Variants in TUBA4B observed in about 807,000 individuals in gnomAD.
TUBA4B encodes the protein tubulin alpha 4b.
A neutral mutation model predicts 18.4 loss-of-function variants in TUBA4B; 13 were observed. That is an observed-to-expected ratio of 0.71 (90% CI 0.46 to 1.12). TUBA4B has a LOEUF of 1.12. TUBA4B is among the 50% of genes most tolerant of loss of function. The pLI is 0.00. For synonymous variants in TUBA4B, 101 were observed against 99.1 expected (o/e 1.02, Z -0.11); for missense variants, 244 against 250.0 (o/e 0.98, Z 0.16).
At chr2:219,263,051 A>C (rs1263052924) in intron 1 of TUBA4B, among the ~76,000 whole-genome samples, 6 of 152,062 alleles carry the variant, frequency 3.9e-5, no homozygotes, top group Admixed American at 1.3e-4. Flanking sequence ...CCCACCCCCC[A>C]AAAAAGCATA....
At chr2:219,259,838 C>A in intron 1 of TUBA4B, among the ~76,000 whole-genome samples, 1 of 152,318 alleles carries the variant, frequency 6.6e-6, no homozygotes, top group South Asian at 2.1e-4. Context: ...AGCCATCCTC[C>A]TTCTCACAGC....
At chr2:219,259,332 A>AAG (rs1553572249) in intron 1 of TUBA4B, among the ~76,000 whole-genome samples, 7 of 149,712 alleles carry the variant, frequency 4.7e-5, no homozygotes, top group Non-Finnish European at 9.0e-5. Context: ...AAAAAAAAAA[A>AAG]AAAAAAAAGA....
At position 219,253,437 on chromosome 2, in the gene TUBA4B, A is replaced by G; in HGVS notation, c.12+18A>G. 6.7e-7 allele frequency: 1 copy of G among 1,498,732 alleles called. No homozygotes were observed. The highest frequency in any genetic ancestry group is 1.2e-5 in the South Asian group (1 of 83,362). 92.8% of individuals were successfully genotyped at this position (1,498,732 alleles called of 1,614,324 possible). ...GGCACCAGGTAACCTGACCCCTTCC[A>G]CCTTCTAGCGCCAAGCACGTGCTCG... On this transcript the variant is annotated intron_variant, in intron 1 of 3. Coordinates refer to ENST00000490341, the MANE Select transcript of TUBA4B (RefSeq NM_001355221.1).
intron 1 of TUBA4B, among the ~76,000 whole-genome samples, chr2:219,261,064 T>G (rs1951757077): frequency 6.6e-6 from 1 of 152,158 alleles, no homozygotes; most frequent in South Asian, 2.1e-4. Flanking sequence ...TAAGTTAGAA[T>G]TTTTTGGCTG....
At chr2:219,258,294 TTTTG>T (rs1333370387) in intron 1 of TUBA4B, among the ~76,000 whole-genome samples, 1 of 151,352 alleles carries the variant, frequency 6.6e-6, no homozygotes. Flanking sequence ...CCTGGCCTCA[TTTTG>T]TTTGTTTTGT....
intron 2 of TUBA4B, 92 bp downstream of exon 2, chr2:219,266,658 C>T (rs1951792028): frequency 4.4e-6 from 3 of 685,272 alleles, no homozygotes; most frequent in Admixed American, 2.1e-5. Context: ...TGGGAGTCCA[C>T]ATGGTGATGG....
At position 219,271,558 on chromosome 2, in the gene TUBA4B, G is replaced by C. The variant is rs767019864; in HGVS notation, c.585G>C (p.Gln195His). The C allele has an allele frequency of 5.0e-6, 8 of 1,614,060 alleles. No individual in the cohort carries two copies. The highest frequency in any genetic ancestry group is 5.9e-6 in the Non-Finnish European group (7 of 1,180,038). Residue 195 changes from glutamine (Q) to histidine (H), a missense_variant, in exon 4 of 4, where the codon CAG becomes CAC. Transcript: ENST00000490341. ...TCAATGTGGACCTGACAGAGTTCCA[G>C]ACCAACCTGGTGTCCTACCTCACAT... ...GALNVDLTEF[Q>H]TNLVSYLTST...
intron 2 of TUBA4B, among the ~76,000 whole-genome samples, chr2:219,267,193 G>C (rs1334304734): frequency 2.0e-5 from 3 of 152,168 alleles, no homozygotes; most frequent in African/African-American, 7.2e-5. Context: ...TAGAAGAACA[G>C]TTAAGAGCAT....
intron 1 of TUBA4B, among the ~76,000 whole-genome samples, chr2:219,263,924 T>G (rs1057058982): frequency 6.6e-6 from 1 of 152,188 alleles, no homozygotes; most frequent in African/African-American, 2.4e-5. Context: ...ACTTCCTGGA[T>G]AGGGTTGCTA....
intron 1 of TUBA4B, among the ~76,000 whole-genome samples, chr2:219,261,355 C>G (rs1031181378): frequency 6.6e-6 from 1 of 152,098 alleles, no homozygotes; most frequent in Non-Finnish European, 1.5e-5. Context: ...GGAGAAAAAC[C>G]TTTCCTTGAA....
chr2:219,260,689 A>G (rs1003870407), intron 1 of TUBA4B, among the ~76,000 whole-genome samples: 15 of 152,116 alleles, frequency 9.9e-5, no homozygotes, highest in Non-Finnish European at 1.9e-4. Context: ...AAATCTTAGG[A>G]TTGGCCGGGC....
chr2:219,262,255 G>A (rs925277884), intron 1 of TUBA4B, among the ~76,000 whole-genome samples: 6 of 152,238 alleles, frequency 3.9e-5, no homozygotes, highest in East Asian at 1.9e-4. Flanking sequence ...AGCTTGCAGT[G>A]AGCTGAGATC....
chr2:219,258,414 G>A (rs1228394999), intron 1 of TUBA4B, among the ~76,000 whole-genome samples: 11 of 151,942 alleles, frequency 7.2e-5, no homozygotes, highest in Admixed American at 5.9e-4. Flanking sequence ...TCCACCTCCC[G>A]GCCTCTAGCC....
chr2:219,257,063 T>A (rs954338791), intron 1 of TUBA4B, among the ~76,000 whole-genome samples: 2 of 148,794 alleles, frequency 1.3e-5, no homozygotes, highest in African/African-American at 5.0e-5. Context: ...TTTTTTTTTT[T>A]AAGATGGAGT....
At chr2:219,253,528 G>T in intron 1 of TUBA4B, 109 bp downstream of exon 1, 3 of 959,642 alleles carry the variant, frequency 3.1e-6, no homozygotes, top group Non-Finnish European at 4.8e-6. Flanking sequence ...TTTTGCCCGC[G>T]GAAAGGACGG....
chr2:219,260,483 G>A (rs1484294332), intron 1 of TUBA4B, among the ~76,000 whole-genome samples: 1 of 152,032 alleles, frequency 6.6e-6, no homozygotes, highest in African/African-American at 2.4e-5. Context: ...CTCCATTTCT[G>A]ACCTCTCCTC....
At chr2:219,269,570 T>C (rs560981180) in intron 2 of TUBA4B, among the ~76,000 whole-genome samples, 8 of 152,272 alleles carry the variant, frequency 5.3e-5, no homozygotes, top group African/African-American at 1.7e-4. Flanking sequence ...AGGAACCATG[T>C]CCAGGCATGA....
rs945158333 is a variant in TUBA4B at position 219,253,357 on chromosome 2, G to GGA, written c.-50_-49insAG. 4 of 1,515,780 alleles carry GGA rather than the reference G, an allele frequency of 2.6e-6. No individual in the cohort carries two copies. The highest frequency in any genetic ancestry group is 1.7e-4 in the Middle Eastern group (1 of 5,920). The allele number at this position is 1,515,780 out of a possible 1,614,324, so 93.9% of individuals were successfully genotyped here. ...TCAGACGCGGGGTGCTGAGTCACGGGGGGGGGGTGGTTCTGTGGATAGTTG... is the reference window on the plus strand; with the variant it reads ...TCAGACGCGGGGTGCTGAGTCACGGGGAGGGGGGGTGGTTCTGTGGATAGTTG... On this transcript the variant is annotated 5_prime_UTR_variant, in exon 1 of 4. Transcript: ENST00000490341.
chr2:219,271,878 G>A lies in TUBA4B; in HGVS notation c.*179G>A. 1.4e-6 allele frequency: 2 copies of A among 1,463,824 alleles called. No homozygotes were observed. The highest frequency in any genetic ancestry group is 3.3e-5 in the Admixed American group (2 of 59,818). The allele number at this position is 1,463,824 out of a possible 1,614,324, so 90.7% of individuals were successfully genotyped here. On this transcript the variant is annotated 3_prime_UTR_variant, in exon 4 of 4. Transcript: ENST00000490341. ...TCAATCACCAGCCTCCCACTGTGGTGCCTGGGAGTGACCTGGTAAAGTGCA... is the reference window on the plus strand; with the variant it reads ...TCAATCACCAGCCTCCCACTGTGGTACCTGGGAGTGACCTGGTAAAGTGCA...
Sources: gnomAD v4.1 joint callset for allele counts (sites outside exome capture counted in the v4.1 genomes callset) on GRCh38, gnomAD v4.1.1 for gene constraint, MANE v1.5 for transcripts, NCBI Gene and HGNC (gene_info 2026-07-23, HGNC 2026-07-21) for gene names.